Variants in AHR observed in about 807,000 individuals in gnomAD.
AHR encodes the protein aryl hydrocarbon receptor.
AHR carries 40 observed loss-of-function variants against 86.8 expected under a neutral mutation model. That is an observed-to-expected ratio of 0.46 (90% CI 0.36 to 0.60). The LOEUF (loss-of-function observed/expected upper bound fraction) is 0.60. AHR is among the 20% of genes least tolerant of loss of function. The probability of loss-of-function intolerance (pLI) is 0.00; values close to 1 mark genes in which losing one functional copy is unlikely to be tolerated. For synonymous variants in AHR, 398 were observed against 354.9 expected, an observed-to-expected ratio of 1.12 and a Z score of -1.37; for missense variants, 1,001 against 1,011.6, an observed-to-expected ratio of 0.99 and a Z score of 0.14.
chr7:17,320,125 A>T (rs1031189148), intron 2 of AHR, among the ~76,000 whole-genome samples: 1 of 152,080 alleles, frequency 6.6e-6, no homozygotes, highest in African/African-American at 2.4e-5. Flanking sequence ...GTTTAGAAAG[A>T]ATTTGTTCTT....
chr7:17,302,802 A>C (rs1781967365), intron 1 of AHR, among the ~76,000 whole-genome samples: 1 of 146,774 alleles, frequency 6.8e-6, no homozygotes, highest in South Asian at 2.1e-4. Flanking sequence ...AAAACAGAAC[A>C]AAAAAAAAAT....
Position 17,330,768 on chromosome 7 carries a change from TC to T in AHR, c.592del (p.Gln198ArgfsTer3). 1 of 1,579,196 alleles carries T rather than the reference TC, an allele frequency of 6.3e-7. No individual in the cohort carries two copies. Among genetic ancestry groups the T allele is most frequent in the Non-Finnish European group, 8.6e-7 (1 of 1,162,008 alleles). On this transcript the variant is annotated frameshift_variant, in exon 6 of 11. Transcript: ENST00000242057. LOFTEE classifies it high-confidence loss of function. ...SGQGIEEATG[L>X]PQTVVCYNPD... ...TTTATTTCTACAGAAGCCACTGGTCTCCCCCAGACAGTAGTCTGTTATAACC... is the reference window on the plus strand; with the variant it reads ...TTTATTTCTACAGAAGCCACTGGTCTCCCCAGACAGTAGTCTGTTATAACC...
At chr7:17,314,783 A>G (rs1003593808) in intron 2 of AHR, among the ~76,000 whole-genome samples, 2 of 152,088 alleles carry the variant, frequency 1.3e-5, no homozygotes, top group Admixed American at 6.6e-5. Context: ...TGAGAATTCT[A>G]TAATTTCATC....
rs1444345897 is a variant in AHR, at chr7:17,339,591, T to C, written c.1766T>C (p.Leu589Ser). The C allele has an allele frequency of 1.9e-6, 3 of 1,614,184 alleles. No individual in the cohort carries two copies. The highest frequency in any genetic ancestry group is 1.6e-4 in the Middle Eastern group (1 of 6,062). Residue 589 changes from leucine to serine, a missense_variant, in exon 10 of 11, where the codon TTA becomes TCA. Physicochemically the swap from Leu to Ser is moderately radical, Grantham distance 145. Coordinates refer to ENST00000242057, the MANE Select transcript of AHR (RefSeq NM_001621.5). The stretch of plus-strand genomic sequence containing the variant: ...ATCCTGACGTATGTCCAAGATTCTT[T>C]AAGTAAGTCTCCCTTCATACCTTCA... ...DEILTYVQDSLSKSPFIPSDY... is the reference protein window; with the variant it reads ...DEILTYVQDSSSKSPFIPSDY...
chr7:17,316,315 G>C (rs1486747830), intron 2 of AHR, among the ~76,000 whole-genome samples: 1 of 152,176 alleles, frequency 6.6e-6, no homozygotes, highest in East Asian at 1.9e-4. Flanking sequence ...GTTAGCAGTG[G>C]GAGATTAAGA....
At position 17,339,464 on chromosome 7, in the gene AHR, G is replaced by T; in HGVS notation, c.1639G>T (p.Gly547Cys). 6.2e-7 allele frequency: 1 copy of T among 1,614,090 alleles called. No homozygotes were observed. The highest frequency in any genetic ancestry group is 1.1e-5 in the South Asian group (1 of 91,062). The change falls in exon 10 of 11, where the codon GGC (glycine) becomes TGC (cysteine). Residue 547 changes from glycine to cysteine, a missense_variant. Gly to Cys is a radical substitution (Grantham distance 159). Transcript: ENST00000242057. ...CTTGTACAGCATAATGAAAAACCTA[G>T]GCATTGATTTTGAAGACATCAGACA... is the stretch of plus-strand genomic sequence containing the variant. ...SDLYSIMKNL[G>C]IDFEDIRHMQ...
intron 6 of AHR, among the ~76,000 whole-genome samples, chr7:17,332,022 G>A (rs1460033719): frequency 6.6e-6 from 1 of 151,932 alleles, no homozygotes; most frequent in Non-Finnish European, 1.5e-5. Context: ...GTAGAGTCAT[G>A]TCCTGCATAA....
At chr7:17,315,220 T>A (rs1408342884) in intron 2 of AHR, among the ~76,000 whole-genome samples, 1 of 152,014 alleles carries the variant, frequency 6.6e-6, no homozygotes, top group Admixed American at 6.6e-5. Flanking sequence ...TATTGTGACC[T>A]CTTTGGTTCA....
intron 5 of AHR, among the ~76,000 whole-genome samples, chr7:17,330,354 G>A (rs1034985950): frequency 8.6e-5 from 13 of 151,882 alleles, no homozygotes; most frequent in African/African-American, 3.1e-4. Flanking sequence ...AAAGATGGAA[G>A]GAAGGTACAA....
Position 17,338,972 on chromosome 7 carries a change from G to T in AHR, c.1161-14G>T. The T allele has an allele frequency of 5.9e-6, 9 of 1,525,264 alleles. No homozygotes were observed. Among genetic ancestry groups the T allele is most frequent in the Middle Eastern group, 1.9e-4 (1 of 5,266 alleles). 94.5% of individuals were successfully genotyped at this position (1,525,264 alleles called of 1,614,324 possible). On this transcript the variant is annotated splice_polypyrimidine_tract_variant and intron_variant, in intron 9 of 10. Coordinates refer to ENST00000242057, the MANE Select transcript of AHR (RefSeq NM_001621.5). Reference sequence around the variant, plus strand: ...TAGAATTTTTTTCTAAGACTTTTTTGTACACAATTTTAGAGATGAGGAAGG... The same window carrying T: ...TAGAATTTTTTTCTAAGACTTTTTTTTACACAATTTTAGAGATGAGGAAGG...
intron 1 of AHR, among the ~76,000 whole-genome samples, chr7:17,305,674 T>C (rs1221594827): frequency 6.6e-6 from 1 of 152,182 alleles, no homozygotes; most frequent in African/African-American, 2.4e-5. Flanking sequence ...CAATCTCTTG[T>C]TAAAAAACGT....
intron 9 of AHR, 142 bp from the exon 10 acceptor site, chr7:17,338,844 A>G: frequency 3.8e-6 from 3 of 781,976 alleles, no homozygotes; most frequent in Non-Finnish European, 5.7e-6. Context: ...AGTCATGAGA[A>G]TAATTGAGGT....
intron 4 of AHR, among the ~76,000 whole-genome samples, chr7:17,329,211 T>C (rs1263232560): frequency 1.3e-5 from 2 of 151,970 alleles, no homozygotes; most frequent in Non-Finnish European, 2.9e-5. Context: ...TGGATCACTA[T>C]CAAACTGTTT....
Position 17,340,000 on chromosome 7 carries a change from A to AGT in AHR, c.2175_2176insGT (p.Pro726ValfsTer11). ...TGGACTACCCTATGGGGAGTTTTGA[A>AGT]CCATCCCCATACCCCACTACTTCTA... On this transcript the variant is annotated frameshift_variant, in exon 10 of 11. Coordinates refer to ENST00000242057, the MANE Select transcript of AHR (RefSeq NM_001621.5). 2 of 1,614,234 alleles carry AGT rather than the reference A, an allele frequency of 1.2e-6. No homozygotes were observed. The highest frequency in any genetic ancestry group is 2.2e-5 in the South Asian group (2 of 91,086).
At position 17,339,062 on chromosome 7, in the gene AHR, T is replaced by A; in HGVS notation, c.1237T>A (p.Leu413Met). 6.2e-7 allele frequency: 1 copy of A among 1,614,192 alleles called. No individual in the cohort carries two copies. Among genetic ancestry groups the A allele is most frequent in the Non-Finnish European group, 8.5e-7 (1 of 1,180,020 alleles). The change falls in exon 10 of 11, where the codon TTG (leucine) becomes ATG (methionine). Residue 413 changes from leucine to methionine, a missense_variant. By Grantham distance (15) the Leu-to-Met change is conservative. This residue lies in a region of AHR where 607 missense variants were observed against 543.1 expected (regional missense o/e 1.12). Coordinates refer to ENST00000242057, the MANE Select transcript of AHR (RefSeq NM_001621.5). ...PFMFTTGEAV[L>M]YEATNPFPAI... is the part of the protein sequence containing the mutation. ...TATGTTTACCACTGGAGAAGCTGTG[T>A]TGTATGAGGCAACCAACCCTTTTCC...
intron 10 of AHR, among the ~76,000 whole-genome samples, chr7:17,340,977 TAAAA>T (rs35597379): frequency 1.4e-5 from 2 of 147,496 alleles, no homozygotes; most frequent in African/African-American, 4.9e-5. Flanking sequence ...AATGATCACT[TAAAA>T]AAAAAAAGTT....
In AHR at chr7:17,326,372, G is replaced by T. The variant is rs573394389; in HGVS notation, c.361-1387G>T. On this transcript the variant is annotated intron_variant, in intron 3 of 10. Transcript: ENST00000242057. ...TATTTCATCTGATAATGAAGATATC[G>T]ACTGGACTATATGTGAGCAGCATAA... 2.6e-5 allele frequency among the ~76,000 whole-genome samples: 4 copies of T among 152,118 alleles called. No homozygotes were observed. In the South Asian group the frequency reaches 6.2e-4, roughly 24 times the overall value.
At chr7:17,306,349 G>C (rs898720696) in intron 1 of AHR, among the ~76,000 whole-genome samples, 3 of 152,126 alleles carry the variant, frequency 2.0e-5, no homozygotes, top group African/African-American at 7.2e-5. Context: ...CACAAAATCA[G>C]TGAAAAAGTG....
At chr7:17,329,436 G>A (rs1782263049) in intron 4 of AHR, among the ~76,000 whole-genome samples, 1 of 151,904 alleles carries the variant, frequency 6.6e-6, no homozygotes, top group Non-Finnish European at 1.5e-5. Context: ...ATGGTGAGAG[G>A]CAAGAGAAGG....
Sources: gnomAD v4.1 joint callset for allele counts (sites outside exome capture counted in the v4.1 genomes callset) on GRCh38, gnomAD v4.1.1 for gene constraint, gnomAD v4.1.1 regional missense constraint, MANE v1.5 for transcripts, NCBI Gene and HGNC (gene_info 2026-07-23, HGNC 2026-07-21) for gene names.